The following EPHA5 variants were observed in gnomAD, a reference collection of about 807,000 sequenced individuals.
EPHA5 encodes the protein EPH receptor A5.
In EPHA5, 60 loss-of-function variants were observed where a neutral mutation model predicts 105.0. The observed-to-expected ratio is 0.57, with a 90% CI of 0.46 to 0.71. The LOEUF (loss-of-function observed/expected upper bound fraction) is 0.71, where lower values mean the gene tolerates loss of function less well. EPHA5 is among the 30% of genes least tolerant of loss of function. EPHA5 has a pLI of 0.00. For synonymous variants in EPHA5, 513 were observed against 449.1 expected (o/e 1.14, Z -1.80); for missense variants, 1,218 against 1,274.7 (o/e 0.96, Z 0.68).
At chr4:65,541,919 A>G (rs1046206574) in intron 3 of EPHA5, among the ~76,000 whole-genome samples, 1 of 152,024 alleles carries the variant, frequency 6.6e-6, no homozygotes, top group African/African-American at 2.4e-5. Context: ...ATCGAATTAG[A>G]GTTCAGGGTT....
At chr4:65,349,644 T>C (rs527867452) in intron 13 of EPHA5, among the ~76,000 whole-genome samples, 1 of 152,198 alleles carries the variant, frequency 6.6e-6, no homozygotes, top group East Asian at 1.9e-4. Flanking sequence ...GAAATAACAG[T>C]TTGGGGTCAT....
intron 2 of EPHA5, among the ~76,000 whole-genome samples, chr4:65,640,210 C>G (rs1310300951): frequency 6.6e-6 from 1 of 150,394 alleles, no homozygotes; most frequent in Non-Finnish European, 1.5e-5. Context: ...AATGACTTCT[C>G]TGAAATAATT....
chr4:65,493,708 G>A (rs1448518735), intron 4 of EPHA5, among the ~76,000 whole-genome samples: 1 of 151,912 alleles, frequency 6.6e-6, no homozygotes, highest in African/African-American at 2.4e-5. Flanking sequence ...GCCTGACTGT[G>A]GGCTTTGGTC....
At chr4:65,350,830 C>T (rs1722743471) in intron 13 of EPHA5, among the ~76,000 whole-genome samples, 1 of 151,872 alleles carries the variant, frequency 6.6e-6, no homozygotes, top group Non-Finnish European at 1.5e-5. Flanking sequence ...ATAGCTATTA[C>T]AATACCTCCA....
At chr4:65,580,561 C>A (rs1209124228) in intron 3 of EPHA5, among the ~76,000 whole-genome samples, 4 of 151,760 alleles carry the variant, frequency 2.6e-5, no homozygotes, top group African/African-American at 9.7e-5. Context: ...GCCACTTTGG[C>A]ATAAGGATTA....
intron 3 of EPHA5, among the ~76,000 whole-genome samples, chr4:65,592,940 C>A (rs538720397): frequency 1.3e-5 from 2 of 152,224 alleles, no homozygotes; most frequent in South Asian, 2.1e-4. Flanking sequence ...AATGCTAAAT[C>A]ATGTGAGAAA....
intron 1 of EPHA5, among the ~76,000 whole-genome samples, chr4:65,645,938 G>A (rs1748078294): frequency 6.6e-6 from 1 of 151,916 alleles, no homozygotes; most frequent in African/African-American, 2.4e-5. Context: ...TTTCTAGAAT[G>A]GAAATTGAGA....
chr4:65,413,683 T>A (rs1168836417), intron 7 of EPHA5, among the ~76,000 whole-genome samples: 1 of 152,230 alleles, frequency 6.6e-6, no homozygotes, highest in Non-Finnish European at 1.5e-5. Flanking sequence ...AATTCTTCTT[T>A]CAATGTGTTT....
At chr4:65,578,524 A>G (rs915184379) in intron 3 of EPHA5, among the ~76,000 whole-genome samples, 1 of 152,182 alleles carries the variant, frequency 6.6e-6, no homozygotes, top group Non-Finnish European at 1.5e-5. Context: ...TGAGCCACTA[A>G]TATATGAGCA....
At chr4:65,336,840 C>T (rs1721231742) in intron 14 of EPHA5, among the ~76,000 whole-genome samples, 1 of 152,044 alleles carries the variant, frequency 6.6e-6, no homozygotes, top group South Asian at 2.1e-4. Flanking sequence ...AAATACCTAA[C>T]TTAAGAAGAA....
At position 65,580,126 on chromosome 4, in the gene EPHA5, T is replaced by C. The variant is rs569526784; in HGVS notation, c.910+21515A>G. Among the ~76,000 whole-genome samples, 6 of 151,992 alleles carry C rather than the reference T, an allele frequency of 3.9e-5. No individual in the cohort carries two copies. In the East Asian group the frequency reaches 5.8e-4, roughly 15 times the overall value. On this transcript the variant is annotated intron_variant, in intron 3 of 16. Coordinates refer to ENST00000613740, the MANE Select transcript of EPHA5 (RefSeq NM_001281766.3). The stretch of plus-strand genomic sequence containing the variant: ...AAAGTTCTAAAGGTTAAATAATGTT[T>C]AGTCACTTTTTGAAAGAAAAAAAAT...
intron 3 of EPHA5, among the ~76,000 whole-genome samples, chr4:65,592,019 T>C (rs1408190139): frequency 1.3e-5 from 2 of 151,674 alleles, no homozygotes; most frequent in Non-Finnish European, 3.0e-5. Context: ...TCCACAGTAA[T>C]TTTTTTTAAA....
intron 3 of EPHA5, among the ~76,000 whole-genome samples, chr4:65,579,419 A>AT (rs1489080180): frequency 6.7e-6 from 1 of 149,012 alleles, no homozygotes; most frequent in Non-Finnish European, 1.5e-5. Flanking sequence ...GCCATTTGTC[A>AT]TCTCAGGATT....
intron 3 of EPHA5, among the ~76,000 whole-genome samples, chr4:65,544,077 A>G (rs1472077383): frequency 1.8e-4 from 27 of 152,158 alleles, no homozygotes; most frequent in Admixed American, 1.8e-3. Flanking sequence ...AAGTTAACTC[A>G]AGATGGATTA....
At chr4:65,540,630 T>A (rs2149320174) in intron 3 of EPHA5, among the ~76,000 whole-genome samples, 1 of 151,548 alleles carries the variant, frequency 6.6e-6, no homozygotes, top group South Asian at 2.1e-4. Flanking sequence ...AGGTTCGTAT[T>A]ACACCACTAA....
intron 5 of EPHA5, among the ~76,000 whole-genome samples, chr4:65,435,945 C>A (rs942111066): frequency 6.6e-6 from 1 of 152,008 alleles, no homozygotes; most frequent in African/African-American, 2.4e-5. Flanking sequence ...TGATTTTTTT[C>A]TTCCCTGTGA....
At chr4:65,642,098 G>T (rs1747721112) in intron 2 of EPHA5, among the ~76,000 whole-genome samples, 1 of 151,722 alleles carries the variant, frequency 6.6e-6, no homozygotes, top group Admixed American at 6.6e-5. Flanking sequence ...TAAATTCAAA[G>T]AGAATATCTC....
At chr4:65,459,442 T>A (rs773790186) in intron 5 of EPHA5, among the ~76,000 whole-genome samples, 1 of 151,904 alleles carries the variant, frequency 6.6e-6, no homozygotes, top group Non-Finnish European at 1.5e-5. Context: ...GATTTTAATA[T>A]ATCTTAGTAT....
chr4:65,493,059 G>A (rs1421977695), intron 4 of EPHA5, among the ~76,000 whole-genome samples: 2 of 150,896 alleles, frequency 1.3e-5, no homozygotes, highest in South Asian at 2.1e-4. Context: ...CTATAAGAAT[G>A]CATCAGCAGC....
Sources: gnomAD v4.1 joint callset for allele counts (sites outside exome capture counted in the v4.1 genomes callset) on GRCh38, gnomAD v4.1.1 for gene constraint, MANE v1.5 for transcripts, NCBI Gene and HGNC (gene_info 2026-07-23, HGNC 2026-07-21) for gene names.